GALNT17: variants seen among roughly 807,000 people sequenced by gnomAD.
The protein encoded by GALNT17 is UDP-GalNAc:polypeptide N-acetylgalactosaminyltransferase-like 3.
A neutral mutation model predicts 63.7 loss-of-function variants in GALNT17; 29 were observed. The ratio of observed to expected loss-of-function variants is 0.46; its 90% CI spans 0.34 to 0.62. GALNT17 has a LOEUF of 0.62. Ranked by LOEUF, GALNT17 falls within the 20% of genes least tolerant of loss-of-function variation. GALNT17 has a pLI of 0.01. For missense variants in GALNT17, 603 were observed against 799.6 expected, an observed-to-expected ratio of 0.75 and a Z score of 2.97; for synonymous variants, 305 against 318.3, an observed-to-expected ratio of 0.96 and a Z score of 0.45.
chr7:71,499,029 T>C (rs920843110), intron 5 of GALNT17, among the ~76,000 whole-genome samples: 1 of 152,236 alleles, frequency 6.6e-6, no homozygotes, highest in African/African-American at 2.4e-5. Flanking sequence ...TTGGAATATT[T>C]TGTGAATCTC....
chr7:71,512,014 C>CTTTTTTTT (rs11409175), intron 5 of GALNT17, among the ~76,000 whole-genome samples: 1 of 131,496 alleles, frequency 7.6e-6, no homozygotes, highest in African/African-American at 2.9e-5. Flanking sequence ...GGGTTCCAGC[C>CTTTTTTTT]TTTTTTTTTT....
intron 1 of GALNT17, among the ~76,000 whole-genome samples, chr7:71,215,573 TA>T (rs1457796637): frequency 6.6e-6 from 1 of 152,200 alleles, no homozygotes; most frequent in Admixed American, 6.6e-5. Context: ...TGGTTTTTAC[TA>T]ATGTTCAGTT....
intron 5 of GALNT17, among the ~76,000 whole-genome samples, chr7:71,529,728 C>G (rs1788683332): frequency 6.6e-6 from 1 of 152,188 alleles, no homozygotes; most frequent in Admixed American, 6.5e-5. Context: ...ATGAGGCATG[C>G]ATGCCGCATG....
intron 1 of GALNT17, among the ~76,000 whole-genome samples, chr7:71,181,398 G>A (rs915262344): frequency 1.3e-5 from 2 of 152,070 alleles, no homozygotes; most frequent in African/African-American, 4.8e-5. Context: ...GAAAAGAAAA[G>A]GGAGGGTCAA....
chr7:71,689,046 A>G (rs1791403598), intron 9 of GALNT17, among the ~76,000 whole-genome samples: 1 of 152,132 alleles, frequency 6.6e-6, no homozygotes, highest in African/African-American at 2.4e-5. Flanking sequence ...TGTGATCAGT[A>G]TCTTTGATGT....
chr7:71,699,324 A>G (rs989972429), intron 9 of GALNT17, among the ~76,000 whole-genome samples: 1 of 151,980 alleles, frequency 6.6e-6, no homozygotes. Flanking sequence ...CTACAAGTAC[A>G]AAAATTAGCC....
In GALNT17 at chr7:71,487,241, C is replaced by G. The variant is rs182375094; in HGVS notation, c.962+66136C>G. On this transcript the variant is annotated intron_variant, in intron 5 of 10. Transcript: ENST00000333538. ...GGGATGGGGCCTATGACAAGTGTCTCCATGAGGGTAGTGATGTTTCTCCTC... is the reference window on the plus strand; with the variant it reads ...GGGATGGGGCCTATGACAAGTGTCTGCATGAGGGTAGTGATGTTTCTCCTC... 3.3e-5 allele frequency among the ~76,000 whole-genome samples: 5 copies of G among 152,272 alleles called. No homozygotes were observed. In the East Asian group the frequency reaches 7.7e-4, roughly 23 times the overall value.
intron 1 of GALNT17, among the ~76,000 whole-genome samples, chr7:71,282,147 CA>C (rs1271314628): frequency 6.6e-6 from 1 of 152,152 alleles, no homozygotes; most frequent in Non-Finnish European, 1.5e-5. Context: ...CATGAAATCC[CA>C]AAACCCATTC....
chr7:71,663,010 A>T (rs1485812810), intron 6 of GALNT17, among the ~76,000 whole-genome samples: 45 of 152,330 alleles, frequency 3.0e-4, no homozygotes, highest in Admixed American at 8.5e-4. Context: ...TTAGTTGACC[A>T]TAAGTGTGAG....
chr7:71,462,799 A>G (rs10231160), intron 5 of GALNT17, among the ~76,000 whole-genome samples: 37,799 of 152,024 alleles, frequency 0.25, 6,094 homozygotes, highest in East Asian at 0.55. Context: ...GAGCAGAGAG[A>G]TAACTTTGAA....
intron 3 of GALNT17, among the ~76,000 whole-genome samples, chr7:71,389,986 T>C (rs1214618872): frequency 6.6e-6 from 1 of 151,986 alleles, no homozygotes; most frequent in Non-Finnish European, 1.5e-5. Context: ...GCAATGGGGG[T>C]GGGTGCTGCT....
At chr7:71,206,902 G>T (rs182923889) in intron 1 of GALNT17, among the ~76,000 whole-genome samples, 2 of 152,106 alleles carry the variant, frequency 1.3e-5, no homozygotes, top group East Asian at 3.9e-4. Flanking sequence ...TCAGGAGATC[G>T]AGACCATCCT....
rs1788816553 is a variant in GALNT17 at position 71,184,996 on chromosome 7, CTTCT to C, written c.238+51958_238+51961del. 8.4e-5 allele frequency among the ~76,000 whole-genome samples: 10 copies of C among 119,600 alleles called. No individual in the cohort carries two copies. The South Asian group carries it at 2.9e-3, about 34-fold the overall frequency. 78.5% of individuals were successfully genotyped at this position (119,600 alleles called of 152,430 possible). On this transcript the variant is annotated intron_variant, in intron 1 of 10. Transcript: ENST00000333538. ...CCTTCCTTCCTTCCTTCCTTCCTTC[CTTCT>C]TCCTTCCCTCCCTCCCTCCTTCCTT... is the stretch of plus-strand genomic sequence containing the variant.
chr7:71,709,681 T>G (rs1011019489), intron 9 of GALNT17, among the ~76,000 whole-genome samples: 2 of 151,970 alleles, frequency 1.3e-5, no homozygotes, highest in Non-Finnish European at 2.9e-5. Flanking sequence ...CACTGCAACC[T>G]CCGCACCCCC....
intron 5 of GALNT17, among the ~76,000 whole-genome samples, chr7:71,535,480 GA>G (rs556496335): frequency 1.2e-3 from 187 of 152,012 alleles, no homozygotes; most frequent in African/African-American, 4.4e-3. Context: ...AATATGTACA[GA>G]AAAAAAGAGG....
chr7:71,547,586 C>A (rs150207410), intron 5 of GALNT17, among the ~76,000 whole-genome samples: 103 of 152,214 alleles, frequency 6.8e-4, no homozygotes, highest in African/African-American at 2.4e-3. Context: ...CGCACCCAGC[C>A]TTAAATTCTG....
chr7:71,389,082 A>G (rs1443096274), intron 3 of GALNT17, among the ~76,000 whole-genome samples: 1 of 151,944 alleles, frequency 6.6e-6, no homozygotes, highest in Non-Finnish European at 1.5e-5. Context: ...AGCTTCTCAT[A>G]GGAGCATGAA....
rs142305965 is a variant in GALNT17 at position 71,437,958 on chromosome 7, G to A, written c.962+16853G>A. ...AAACTCCTGGTTTCAAGCATTCCTCGTGCCTTGGCCTCCCAAAGTGCTGGG... is the reference window on the plus strand; with the variant it reads ...AAACTCCTGGTTTCAAGCATTCCTCATGCCTTGGCCTCCCAAAGTGCTGGG... On this transcript the variant is annotated intron_variant, in intron 5 of 10. Coordinates refer to ENST00000333538, the MANE Select transcript of GALNT17 (RefSeq NM_022479.3). Among the ~76,000 whole-genome samples, 291 of 152,134 alleles carry A rather than the reference G, an allele frequency of 1.9e-3. 1 individual carries two copies. The highest frequency in any genetic ancestry group is 6.1e-3 in the African/African-American group (255 of 41,514).
intron 5 of GALNT17, among the ~76,000 whole-genome samples, chr7:71,522,267 G>A (rs1012774168): frequency 6.6e-6 from 1 of 152,208 alleles, no homozygotes; most frequent in Non-Finnish European, 1.5e-5. Context: ...CTGAGAAGGT[G>A]CAGAAAATGC....
Sources: gnomAD v4.1 joint callset for allele counts (sites outside exome capture counted in the v4.1 genomes callset) on GRCh38, gnomAD v4.1.1 for gene constraint, MANE v1.5 for transcripts, NCBI Gene and HGNC (gene_info 2026-07-23, HGNC 2026-07-21) for gene names.